RAPGEF4: variants seen among roughly 807,000 people sequenced by gnomAD.
RAPGEF4 encodes Rap guanine nucleotide exchange factor 4.
Under a neutral mutation model 147.9 loss-of-function variants are expected in RAPGEF4, and 66 were observed. That is an observed-to-expected ratio of 0.45 (90% CI 0.37 to 0.55). RAPGEF4 has a LOEUF of 0.55. Among genes scored for constraint, RAPGEF4 ranks in the 20% least tolerant of loss-of-function variants. The pLI is 0.00. For missense variants in RAPGEF4, 1,071 were observed against 1,257.3 expected (o/e 0.85, Z 2.24); for synonymous variants, 419 against 442.7 (o/e 0.95, Z 0.67).
At position 173,034,694 on chromosome 2, in the gene RAPGEF4, C is replaced by T. The variant is rs569188221; in HGVS notation, c.2700+730C>T. Among the ~76,000 whole-genome samples, 7 of 151,936 alleles carry T rather than the reference C, an allele frequency of 4.6e-5. No homozygotes were observed. In the East Asian group the frequency reaches 7.8e-4, roughly 17 times the overall value. On this transcript the variant is annotated intron_variant, in intron 27 of 30. Coordinates refer to ENST00000397081, the MANE Select transcript of RAPGEF4 (RefSeq NM_007023.4). Reference sequence around the variant, plus strand: ...TTCGAGACCAGCCTGGCCAACATGACGAAACCCCATCTCTACAAAAAATAC... The same window carrying T: ...TTCGAGACCAGCCTGGCCAACATGATGAAACCCCATCTCTACAAAAAATAC...
chr2:172,825,842 A>C (rs747275746), intron 4 of RAPGEF4, among the ~76,000 whole-genome samples: 1 of 152,240 alleles, frequency 6.6e-6, no homozygotes, highest in Admixed American at 6.5e-5. Flanking sequence ...ACATGATGTA[A>C]GTAATAATGT....
intron 4 of RAPGEF4, among the ~76,000 whole-genome samples, chr2:172,854,461 T>C (rs1693193028): frequency 6.6e-6 from 1 of 152,042 alleles, no homozygotes; most frequent in African/African-American, 2.4e-5. Context: ...TCTAACTATC[T>C]GTTTCTTTGT....
chr2:172,983,591 T>C lies in RAPGEF4; in HGVS notation c.1089+11T>C, dbSNP rs1396207988. 1 of 1,613,164 alleles carries C rather than the reference T, an allele frequency of 6.2e-7. No homozygotes were observed. The highest frequency in any genetic ancestry group is 2.2e-5 in the East Asian group (1 of 44,868). ...CATCTTTCTACCACAGTAAGTTGTC[T>C]CTTAGTTTAGCATGGTTGGAGCACT... On this transcript the variant is annotated intron_variant, in intron 11 of 30. Transcript: ENST00000397081.
intron 23 of RAPGEF4, among the ~76,000 whole-genome samples, chr2:173,022,742 T>TGTGCC (rs1696232937): frequency 1.3e-5 from 2 of 152,250 alleles, no homozygotes; most frequent in Admixed American, 1.3e-4. Context: ...AGTCTTAGTG[T>TGTGCC]TCAATGTTAG....
At chr2:172,736,147 T>G (rs1340505472) in intron 1 of RAPGEF4, 99 bp downstream of exon 1, 6 of 995,530 alleles carry the variant, frequency 6.0e-6, no homozygotes, top group Non-Finnish European at 7.8e-6. Context: ...GCGGCCGGGC[T>G]GCGGGTGGCC....
intron 1 of RAPGEF4, chr2:172,744,241 C>G (rs1329395103): frequency 1.8e-5 from 5 of 282,782 alleles, no homozygotes; most frequent in South Asian, 1.3e-4. Flanking sequence ...TTTTCTGTTT[C>G]CAGTCTGGAA....
At chr2:172,988,145 A>G in intron 12 of RAPGEF4, 51 bp from the exon 13 acceptor site, 1 of 1,547,972 alleles carries the variant, frequency 6.5e-7, no homozygotes, top group Non-Finnish European at 8.6e-7. Flanking sequence ...TGTAATTTAT[A>G]TTGATGTGCT....
At chr2:173,000,072 G>T (rs1279369184) in intron 16 of RAPGEF4, among the ~76,000 whole-genome samples, 1 of 152,170 alleles carries the variant, frequency 6.6e-6, no homozygotes, top group African/African-American at 2.4e-5. Context: ...GGTGCTAGAT[G>T]TTAAGCTCAG....
chr2:172,966,354 T>G (rs1689841110), intron 9 of RAPGEF4, among the ~76,000 whole-genome samples: 1 of 152,186 alleles, frequency 6.6e-6, no homozygotes, highest in Non-Finnish European at 1.5e-5. Context: ...TGCCAGCGTT[T>G]CTCATACTTT....
intron 30 of RAPGEF4, among the ~76,000 whole-genome samples, chr2:173,050,967 C>G (rs1439105406): frequency 6.6e-6 from 1 of 152,148 alleles, no homozygotes; most frequent in Non-Finnish European, 1.5e-5. Context: ...AATTGGTTAA[C>G]CTCAGTTGCT....
chr2:172,833,704 T>C (rs1690623022), intron 4 of RAPGEF4, among the ~76,000 whole-genome samples: 1 of 152,196 alleles, frequency 6.6e-6, no homozygotes, highest in African/African-American at 2.4e-5. Context: ...CATTAAAATA[T>C]CTTTTCCAGG....
chr2:172,739,941 T>A (rs962299127), intron 1 of RAPGEF4, among the ~76,000 whole-genome samples: 2 of 152,236 alleles, frequency 1.3e-5, no homozygotes, highest in Admixed American at 1.3e-4. Context: ...TCCTGAATGG[T>A]TGGAAATAAA....
intron 26 of RAPGEF4, among the ~76,000 whole-genome samples, chr2:173,033,295 G>A (rs1428695930): frequency 6.6e-6 from 1 of 152,186 alleles, no homozygotes; most frequent in African/African-American, 2.4e-5. Context: ...CTAATGAGAA[G>A]CAGCTGTGTG....
chr2:172,979,297 G>A (rs1409034477), intron 10 of RAPGEF4, among the ~76,000 whole-genome samples: 1 of 152,156 alleles, frequency 6.6e-6, no homozygotes, highest in Non-Finnish European at 1.5e-5. Context: ...CTGCTCCATA[G>A]CACCACTGCC....
At chr2:172,808,195 T>C (rs1260297174) in intron 3 of RAPGEF4, among the ~76,000 whole-genome samples, 1 of 152,254 alleles carries the variant, frequency 6.6e-6, no homozygotes, top group Non-Finnish European at 1.5e-5. Context: ...TACTGTTTAC[T>C]ATATTTACAA....
chr2:172,855,053 T>C (rs1693266804), intron 4 of RAPGEF4, among the ~76,000 whole-genome samples: 1 of 152,194 alleles, frequency 6.6e-6, no homozygotes, highest in Non-Finnish European at 1.5e-5. Flanking sequence ...AGTTGGATGC[T>C]GTCAGCTAGC....
chr2:172,770,165 TCTC>T (rs1427799925), intron 1 of RAPGEF4, among the ~76,000 whole-genome samples: 1 of 152,186 alleles, frequency 6.6e-6, no homozygotes, highest in African/African-American at 2.4e-5. Flanking sequence ...GGCTGGTCCT[TCTC>T]CTCTGGTCAG....
chr2:173,041,710 G>C (rs1684780265), intron 29 of RAPGEF4, among the ~76,000 whole-genome samples: 1 of 152,162 alleles, frequency 6.6e-6, no homozygotes, highest in South Asian at 2.1e-4. Context: ...CTAAGCACCT[G>C]TCCAGCCTCA....
At chr2:172,792,382 G>GA in intron 1 of RAPGEF4, among the ~76,000 whole-genome samples, 1 of 152,340 alleles carries the variant, frequency 6.6e-6, no homozygotes, top group Non-Finnish European at 1.5e-5. Flanking sequence ...GTAATAGGAG[G>GA]AAGAGGCACT....
Sources: gnomAD v4.1 joint callset for allele counts (sites outside exome capture counted in the v4.1 genomes callset) on GRCh38, gnomAD v4.1.1 for gene constraint, MANE v1.5 for transcripts, NCBI Gene and HGNC (gene_info 2026-07-23, HGNC 2026-07-21) for gene names.